The following MAP4 variants were observed in gnomAD, a reference collection of about 807,000 sequenced individuals.
MAP4 encodes the protein microtubule associated protein 4, also known as microtubule-associated protein 4.
MAP4 carries 76 observed loss-of-function variants against 170.2 expected under a neutral mutation model. That is an observed-to-expected ratio of 0.45 (90% CI 0.37 to 0.54). The LOEUF (loss-of-function observed/expected upper bound fraction) is 0.54, where lower values mean the gene tolerates loss of function less well. MAP4 is among the 20% of genes least tolerant of loss of function. MAP4 has a pLI of 0.00. For synonymous variants in MAP4, 909 were observed against 994.5 expected, an observed-to-expected ratio of 0.91 and a Z score of 1.62; for missense variants, 2,506 against 2,748.0, an observed-to-expected ratio of 0.91 and a Z score of 1.97.
At chr3:47,926,486 A>T (rs2100046045) in intron 4 of MAP4, among the ~76,000 whole-genome samples, 1 of 151,980 alleles carries the variant, frequency 6.6e-6, no homozygotes, top group Admixed American at 6.6e-5. Context: ...GCCTGGCCTA[A>T]GTTACTCCAT....
chr3:47,932,486 T>C (rs143883712), intron 3 of MAP4, among the ~76,000 whole-genome samples: 3 of 152,352 alleles, frequency 2.0e-5, no homozygotes, highest in East Asian at 1.9e-4. Context: ...GTTTAATATT[T>C]TGAGACACTG....
intron 1 of MAP4, among the ~76,000 whole-genome samples, chr3:48,065,838 G>C (rs2100138047): frequency 6.6e-6 from 1 of 152,132 alleles, no homozygotes; most frequent in Non-Finnish European, 1.5e-5. Flanking sequence ...TAAGTTCAAG[G>C]CTGGACAGGG....
intron 8 of MAP4, 131 bp from the exon 9 acceptor site, chr3:47,912,552 T>G: frequency 1.5e-6 from 1 of 653,248 alleles, no homozygotes; most frequent in Non-Finnish European, 2.3e-6. Context: ...CATATAGTAC[T>G]TACTGTAATT....
chr3:47,903,489 C>T (rs1438834495), intron 9 of MAP4, among the ~76,000 whole-genome samples: 7 of 150,382 alleles, frequency 4.7e-5, no homozygotes, highest in Non-Finnish European at 1.0e-4. Flanking sequence ...GCCGAGATCG[C>T]GCCACTGCAC....
chr3:47,891,057 G>C (rs2100023648), intron 10 of MAP4: 1 of 1,507,930 alleles, frequency 6.6e-7, no homozygotes, highest in Non-Finnish European at 8.8e-7. Context: ...AGGAACGATG[G>C]AGTGCTCTGG....
chr3:47,986,433 T>A (rs912729515), intron 2 of MAP4, among the ~76,000 whole-genome samples: 2 of 151,946 alleles, frequency 1.3e-5, no homozygotes, highest in African/African-American at 4.8e-5. Flanking sequence ...CTCCACCTCC[T>A]GGGTTCAAGC....
intron 7 of MAP4, among the ~76,000 whole-genome samples, 186 bp downstream of exon 7, chr3:47,915,765 G>T (rs758248891): frequency 6.6e-6 from 1 of 152,194 alleles, no homozygotes; most frequent in African/African-American, 2.4e-5. Flanking sequence ...AATGAACATA[G>T]AAAAGGTGTT....
intron 1 of MAP4, among the ~76,000 whole-genome samples, chr3:48,053,938 T>C (rs2100129250): frequency 6.6e-6 from 1 of 152,226 alleles, no homozygotes. Flanking sequence ...TATTCTCTTT[T>C]ATAATTTTTG....
rs533225600 is a variant in MAP4 at position 47,977,518 on chromosome 3, G to C, written c.292+347C>G. ...AAAGCTAAACGCAATGTGATTCAGG[G>C]AACAGACCTGCTGTTTTAAGAGTTG... On this transcript the variant is annotated intron_variant, in intron 3 of 20. Coordinates refer to ENST00000683076, the MANE Select transcript of MAP4 (RefSeq NM_001385682.1). Among the ~76,000 whole-genome samples the C allele has an allele frequency of 1.1e-4, 16 of 152,304 alleles. No homozygotes were observed. In the South Asian group the frequency reaches 3.1e-3, roughly 30 times the overall value.
At chr3:47,973,293 A>C (rs1026042017) in intron 3 of MAP4, 1 of 985,258 alleles carries the variant, frequency 1.0e-6, no homozygotes, top group Non-Finnish European at 1.2e-6. Flanking sequence ...AAGAGAAAGA[A>C]GGCATATGAA....
intron 10 of MAP4, among the ~76,000 whole-genome samples, chr3:47,902,673 C>CAAAAAAAAA (rs3051642): frequency 1.2e-4 from 3 of 25,772 alleles, no homozygotes; most frequent in Non-Finnish European, 1.9e-4. Context: ...GACTCTGTCT[C>CAAAAAAAAA]AAAAAAAAAA....
At chr3:48,028,109 T>C (rs2100114043) in intron 1 of MAP4, among the ~76,000 whole-genome samples, 1 of 152,060 alleles carries the variant, frequency 6.6e-6, no homozygotes, top group Non-Finnish European at 1.5e-5. Flanking sequence ...CTGGCCAACA[T>C]AGTGAAACCT....
intron 1 of MAP4, among the ~76,000 whole-genome samples, chr3:48,026,899 C>G (rs185437676): frequency 6.6e-6 from 1 of 152,172 alleles, no homozygotes; most frequent in Non-Finnish European, 1.5e-5. Flanking sequence ...CCCATCACCA[C>G]GACTACCCCC....
rs376771859 is a variant in MAP4 at position 47,949,690 on chromosome 3, A to T, written c.293-21340T>A. Reference sequence around the variant, plus strand: ...TATTGCCTTTCAGTTCCAAATCTATACTTTACTGCTCTGCTTTGCAATAAT... The same window carrying T: ...TATTGCCTTTCAGTTCCAAATCTATTCTTTACTGCTCTGCTTTGCAATAAT... On this transcript the variant is annotated intron_variant, in intron 3 of 20. Coordinates refer to ENST00000683076, the MANE Select transcript of MAP4 (RefSeq NM_001385682.1). 4.6e-5 allele frequency among the ~76,000 whole-genome samples: 7 copies of T among 152,210 alleles called. No homozygotes were observed. The South Asian group carries it at 1.5e-3, about 32-fold the overall frequency.
intron 3 of MAP4, among the ~76,000 whole-genome samples, chr3:47,961,995 T>G (rs1359693581): frequency 4.6e-5 from 7 of 152,184 alleles, no homozygotes; most frequent in Non-Finnish European, 1.0e-4. Context: ...AACCTCGAGT[T>G]GCCCTCAGGG....
intron 1 of MAP4, among the ~76,000 whole-genome samples, chr3:48,076,010 T>C (rs1181062143): frequency 6.7e-6 from 1 of 150,324 alleles, no homozygotes; most frequent in East Asian, 1.9e-4. Flanking sequence ...AGAAAAAGAT[T>C]TTGGATTCCT....
intron 10 of MAP4, chr3:47,892,135 C>T (rs2100024366): frequency 3.9e-6 from 6 of 1,536,006 alleles, no homozygotes; most frequent in Middle Eastern, 1.7e-4. Context: ...GTACCGAGTT[C>T]CCCTCCAAGG....
intron 10 of MAP4, among the ~76,000 whole-genome samples, chr3:47,881,478 A>ATATATATATATATG: frequency 9.8e-6 from 1 of 101,742 alleles, no homozygotes; most frequent in South Asian, 3.3e-4. Flanking sequence ...ATATATATAT[A>ATATATATATATATG]TATATATATA....
chr3:47,921,910 C>G, intron 4 of MAP4, 32 bp from the exon 5 acceptor site: 1 of 896,304 alleles, frequency 1.1e-6, no homozygotes, highest in South Asian at 1.3e-5. Context: ...AAACTCATTC[C>G]TGGTGAATGC....
Sources: allele counts gnomAD v4.1 joint callset (sites outside exome capture counted in the v4.1 genomes callset), GRCh38; gene constraint gnomAD v4.1.1; transcripts MANE v1.5; gene names NCBI Gene and HGNC (gene_info 2026-07-23, HGNC 2026-07-21).